The following ZNF684 variants were observed in gnomAD, a reference collection of about 807,000 sequenced individuals.
ZNF684 encodes the protein hypothetical protein MGC27466.
Under a neutral mutation model 12.8 loss-of-function variants are expected in ZNF684, and 13 were observed. The ratio of observed to expected loss-of-function variants is 1.02; its 90% confidence interval spans 0.66 to 1.62. The LOEUF is 1.62. Among genes scored for constraint, ZNF684 ranks in the 40% most tolerant of loss-of-function variants. The probability of loss-of-function intolerance (pLI) is 0.00; values close to 1 mark genes in which losing one functional copy is unlikely to be tolerated. For missense variants in ZNF684, 384 were observed against 446.9 expected (o/e 0.86, Z 1.27); for synonymous variants, 118 against 151.8 (o/e 0.78, Z 1.64).
At position 40,546,603 on chromosome 1, in the gene ZNF684, G is replaced by A; in HGVS notation, c.280G>A (p.Glu94Lys). The A allele has an allele frequency of 1.3e-6, 2 of 1,582,900 alleles. No individual in the cohort carries two copies. Among genetic ancestry groups the A allele is most frequent in the Non-Finnish European group, 1.7e-6 (2 of 1,167,002 alleles). Reference sequence around the variant, plus strand: ...TGTTGATGAACCAGGGAAGCATCGGGAAAGCAAAGACAATTTTTTGAAGTC... The same window carrying A: ...TGTTGATGAACCAGGGAAGCATCGGAAAAGCAAAGACAATTTTTTGAAGTC... The part of the protein sequence containing the change: ...PLVDEPGKHR[E>K]SKDNFLKSVL... Residue 94 changes from glutamate to lysine, a missense_variant, in exon 5 of 5, where the codon GAA (glutamate) becomes AAA (lysine). By Grantham distance (56) the Glu-to-Lys change is moderately conservative. Coordinates refer to ENST00000372699, the MANE Select transcript of ZNF684 (RefSeq NM_152373.4).
rs936952469 is a variant in ZNF684 at position 40,545,542 on chromosome 1, TTA to T, written c.239-1018_239-1017del. On this transcript the variant is annotated intron_variant, in intron 4 of 4. Coordinates refer to ENST00000372699, the MANE Select transcript of ZNF684 (RefSeq NM_152373.4). ...GCAAATAGACAGAATCTGTTTGCTG[TTA>T]TTATCCCAAGCTAAGGATGACTTAC... 3.7e-4 allele frequency among the ~76,000 whole-genome samples: 56 copies of T among 152,164 alleles called. 3 individuals carry two copies.
Sources: gnomAD v4.1 joint callset for allele counts (sites outside exome capture counted in the v4.1 genomes callset) on GRCh38, gnomAD v4.1.1 for gene constraint, MANE v1.5 for transcripts, NCBI Gene and HGNC (gene_info 2026-07-23, HGNC 2026-07-21) for gene names.